SH3GL2: variants seen among roughly 807,000 people sequenced by gnomAD.
SH3GL2 encodes the protein endophilin-A1.
SH3GL2 carries 24 observed loss-of-function variants against 46.0 expected under a neutral mutation model. That is an observed-to-expected ratio of 0.52 (90% confidence interval 0.38 to 0.73). The LOEUF (loss-of-function observed/expected upper bound fraction) is 0.73, where lower values mean the gene tolerates loss of function less well. Ranked by LOEUF, SH3GL2 falls within the 30% of genes least tolerant of loss-of-function variation. SH3GL2 has a pLI of 0.00. For missense variants in SH3GL2, 413 were observed against 424.2 expected, an observed-to-expected ratio of 0.97 and a Z score of 0.23; for synonymous variants, 196 against 147.1, an observed-to-expected ratio of 1.33 and a Z score of -2.40.
chr9:17,784,013 T>C lies in SH3GL2; in HGVS notation c.188-2368T>C, dbSNP rs563004139. On this transcript the variant is annotated intron_variant, in intron 3 of 8. Coordinates refer to ENST00000380607, the MANE Select transcript of SH3GL2 (RefSeq NM_003026.5). ...CATTTAAAGATGGTTAATTTGGAGGTCTGATGATATTTTTAATAACACAGA... is the reference window on the plus strand; with the variant it reads ...CATTTAAAGATGGTTAATTTGGAGGCCTGATGATATTTTTAATAACACAGA... Among the ~76,000 whole-genome samples the C allele has an allele frequency of 8.5e-4, 129 of 152,230 alleles. 1 individual carries two copies. Among genetic ancestry groups the C allele is most frequent in the African/African-American group, 2.7e-3 (112 of 41,558 alleles).
At chr9:17,660,526 A>G (rs1459674167) in intron 1 of SH3GL2, among the ~76,000 whole-genome samples, 1 of 152,232 alleles carries the variant, frequency 6.6e-6, no homozygotes, top group Non-Finnish European at 1.5e-5. Flanking sequence ...ATAGATGGTC[A>G]TTAAATATTT....
At chr9:17,714,954 G>A (rs1015524118) in intron 1 of SH3GL2, among the ~76,000 whole-genome samples, 1 of 151,646 alleles carries the variant, frequency 6.6e-6, no homozygotes, top group Non-Finnish European at 1.5e-5. Context: ...CTGAAAGTAA[G>A]TCTTTATGTT....
chr9:17,697,919 A>G (rs1821248857), intron 1 of SH3GL2, among the ~76,000 whole-genome samples: 3 of 152,290 alleles, frequency 2.0e-5, no homozygotes, highest in Middle Eastern at 6.8e-3. Context: ...TCAGACTGGC[A>G]TTGAATCTCT....
At chr9:17,773,269 A>C (rs1247360760) in intron 3 of SH3GL2, among the ~76,000 whole-genome samples, 2 of 151,884 alleles carry the variant, frequency 1.3e-5, no homozygotes, top group Non-Finnish European at 2.9e-5. Context: ...TTGCCTTTTT[A>C]CTCAGTTTCT....
chr9:17,725,165 C>A (rs1288767362), intron 1 of SH3GL2, among the ~76,000 whole-genome samples: 4 of 152,232 alleles, frequency 2.6e-5, no homozygotes, highest in East Asian at 1.9e-4. Context: ...TGTGCTTAAG[C>A]CCCTCAAGTT....
chr9:17,701,387 G>A (rs1821339640), intron 1 of SH3GL2, among the ~76,000 whole-genome samples: 2 of 152,152 alleles, frequency 1.3e-5, no homozygotes, highest in African/African-American at 4.8e-5. Flanking sequence ...GAGGAGTAGT[G>A]AGGGGAGAGG....
At chr9:17,617,938 G>T (rs4961578) in intron 1 of SH3GL2, among the ~76,000 whole-genome samples, 105,567 of 151,840 alleles carry the variant, frequency 0.7, 36,959 homozygotes, top group East Asian at 0.93. Context: ...GTGTTGTATT[G>T]TGGGACAAAA....
intron 1 of SH3GL2, among the ~76,000 whole-genome samples, chr9:17,617,337 T>C (rs1251553143): frequency 1.2e-4 from 19 of 152,324 alleles, no homozygotes; most frequent in Non-Finnish European, 4.4e-5. Context: ...GGTTTTAGGA[T>C]TGTCCCTGGG....
intron 1 of SH3GL2, among the ~76,000 whole-genome samples, chr9:17,663,720 G>A (rs547359461): frequency 3.3e-5 from 5 of 152,278 alleles, no homozygotes; most frequent in African/African-American, 7.2e-5. Context: ...CTTCAGCACC[G>A]CAGACTTTTT....
chr9:17,785,346 C>T (rs1263688779), intron 3 of SH3GL2, among the ~76,000 whole-genome samples: 1 of 152,168 alleles, frequency 6.6e-6, no homozygotes, highest in East Asian at 1.9e-4. Context: ...CCATAATTGT[C>T]GTGCTCATTG....
intron 1 of SH3GL2, among the ~76,000 whole-genome samples, chr9:17,665,718 C>CT (rs1237992662): frequency 6.6e-6 from 1 of 151,696 alleles, no homozygotes; most frequent in Admixed American, 6.6e-5. Flanking sequence ...AGCCAGTACT[C>CT]TAAGGACCCC....
At chr9:17,758,215 C>G (rs1031545062) in intron 2 of SH3GL2, among the ~76,000 whole-genome samples, 1 of 152,046 alleles carries the variant, frequency 6.6e-6, no homozygotes, top group Non-Finnish European at 1.5e-5. Flanking sequence ...ACAGAATGCT[C>G]CCCTGGTCTC....
At chr9:17,730,319 A>G (rs1321225594) in intron 1 of SH3GL2, among the ~76,000 whole-genome samples, 2 of 152,076 alleles carry the variant, frequency 1.3e-5, no homozygotes, top group Non-Finnish European at 2.9e-5. Context: ...TTTAATCCTG[A>G]GACTGCTGAA....
intron 1 of SH3GL2, among the ~76,000 whole-genome samples, chr9:17,592,951 A>G (rs1818511624): frequency 6.6e-6 from 1 of 152,162 alleles, no homozygotes; most frequent in South Asian, 2.1e-4. Flanking sequence ...CGGTGATTTA[A>G]TCAGTCATGC....
chr9:17,752,630 T>A (rs1283515832), intron 2 of SH3GL2, among the ~76,000 whole-genome samples: 7 of 152,278 alleles, frequency 4.6e-5, no homozygotes, highest in African/African-American at 1.7e-4. Flanking sequence ...CTCAAGTAGC[T>A]AGGACTACCA....
intron 1 of SH3GL2, among the ~76,000 whole-genome samples, chr9:17,579,901 G>A (rs888560145): frequency 1.3e-5 from 2 of 152,188 alleles, no homozygotes; most frequent in South Asian, 2.1e-4. Context: ...CTCCTTTGAG[G>A]CCAGGGCATG....
intron 3 of SH3GL2, among the ~76,000 whole-genome samples, chr9:17,762,004 C>T (rs977452635): frequency 2.6e-5 from 4 of 152,134 alleles, no homozygotes; most frequent in Non-Finnish European, 5.9e-5. Context: ...CACAGATCAG[C>T]ATTGGTTCCT....
intron 1 of SH3GL2, among the ~76,000 whole-genome samples, chr9:17,739,859 T>G (rs995569579): frequency 3.3e-5 from 5 of 152,058 alleles, no homozygotes; most frequent in Admixed American, 1.3e-4. Context: ...GCTGAGAAAG[T>G]TATTACTTTT....
chr9:17,731,751 G>A (rs2118420297), intron 1 of SH3GL2, among the ~76,000 whole-genome samples: 1 of 152,294 alleles, frequency 6.6e-6, no homozygotes, highest in East Asian at 1.9e-4. Context: ...AAAGGGGCTT[G>A]CAGGTTCTGG....
Sources: allele counts gnomAD v4.1 joint callset (sites outside exome capture counted in the v4.1 genomes callset), GRCh38; gene constraint gnomAD v4.1.1; transcripts MANE v1.5; gene names NCBI Gene and HGNC (gene_info 2026-07-23, HGNC 2026-07-21).